Variants in ABCC8 observed in about 807,000 individuals in gnomAD.
ABCC8 encodes ATP binding cassette subfamily C member 8, also known as ATP-binding cassette sub-family C member 8.
ABCC8 carries 137 observed loss-of-function variants against 188.0 expected under a neutral mutation model. The observed-to-expected ratio is 0.73, with a 90% CI of 0.63 to 0.84. The LOEUF is 0.84. Among genes scored for constraint, ABCC8 ranks in the 40% least tolerant of loss-of-function variants. The pLI, the probability that ABCC8 is intolerant of heterozygous loss-of-function variation, is 0.00. For synonymous variants in ABCC8, 797 were observed against 846.5 expected (o/e 0.94, Z 1.01); for missense variants, 1,750 against 2,072.7 (o/e 0.84, Z 3.02).
chr11:17,411,408 G>C lies in ABCC8; in HGVS notation c.2557-755C>G, dbSNP rs534753595. ...TAGCAGGGTTGTTTAAATCTCATGAGAGATCGCGAATGCACCCATGCTTTG... is the reference window on the plus strand; with the variant it reads ...TAGCAGGGTTGTTTAAATCTCATGACAGATCGCGAATGCACCCATGCTTTG... On this transcript the variant is annotated intron_variant, in intron 21 of 38. Transcript: ENST00000389817. Among the ~76,000 whole-genome samples the C allele has an allele frequency of 1.3e-4, 20 of 152,348 alleles. No homozygotes were observed. The South Asian group carries it at 2.5e-3, about 19-fold the overall frequency.
At chr11:17,470,703 C>T (rs954965871) in intron 2 of ABCC8, among the ~76,000 whole-genome samples, 3 of 152,192 alleles carry the variant, frequency 2.0e-5, no homozygotes. Flanking sequence ...TCTTAGTCTC[C>T]CATTTTATGG....
At chr11:17,441,511 GT>G (rs1956314755) in intron 10 of ABCC8, among the ~76,000 whole-genome samples, 1 of 151,994 alleles carries the variant, frequency 6.6e-6, no homozygotes, top group Non-Finnish European at 1.5e-5. Context: ...TTTCTTTTTT[GT>G]TTTCTTCTTT....
In ABCC8 at chr11:17,397,665, C is replaced by G. The variant is rs574848177; in HGVS notation, c.3867+19G>C. On this transcript the variant is annotated intron_variant, in intron 31 of 38. Coordinates refer to ENST00000389817, the MANE Select transcript of ABCC8 (RefSeq NM_000352.6). Reference sequence around the variant, plus strand: ...GCTGGTGTCTGACCCCTCCTCTGCCCTAGCCCACTGCCGCTCACCATTAGG... The same window carrying G: ...GCTGGTGTCTGACCCCTCCTCTGCCGTAGCCCACTGCCGCTCACCATTAGG... The G allele has an allele frequency of 6.2e-7, 1 of 1,609,176 alleles. No homozygotes were observed. The highest frequency in any genetic ancestry group is 1.3e-5 in the African/African-American group (1 of 75,036).
At chr11:17,398,901 T>A in intron 29 of ABCC8, 1 of 247,046 alleles carries the variant, frequency 4.0e-6, no homozygotes, top group South Asian at 5.7e-5. Context: ...CTCCCTACAG[T>A]CCATGCTCCA....
At chr11:17,412,965 C>T (rs377189518) in intron 20 of ABCC8, 45 of 971,656 alleles carry the variant, frequency 4.6e-5, no homozygotes, top group African/African-American at 1.1e-4. Flanking sequence ...ATTGTGTAGG[C>T]GCTAGGGACC....
In ABCC8 at chr11:17,404,769, C is replaced by A; in HGVS notation, c.3400-100G>T. ...TTTTGCTCTCACTTTATTTTTTGAT[C>A]CTTTATTTTTTTGAGACTGAGTCTC... On this transcript the variant is annotated intron_variant, in intron 27 of 38. Coordinates refer to ENST00000389817, the MANE Select transcript of ABCC8 (RefSeq NM_000352.6). The surrounding 1 kb of genome is among the most constrained non-coding windows in gnomAD (Gnocchi z 4.7). 3 of 1,509,422 alleles carry A rather than the reference C, an allele frequency of 2.0e-6. No homozygotes were observed. Among genetic ancestry groups the A allele is most frequent in the Non-Finnish European group, 2.7e-6 (3 of 1,114,140 alleles). The allele number at this position is 1,509,422 out of a possible 1,614,324, so 93.5% of individuals were successfully genotyped here.
In ABCC8 at chr11:17,461,675, G is replaced by A. The variant is rs767822371; in HGVS notation, c.730C>T (p.Pro244Ser). ...NAFIKTAHKK[P>S]IDLRAIGKLP... is the part of the protein sequence containing the mutation. ...TTCCCGATGGCTCGCAAGTCGATGGGCTTCTTGTGGGCAGTCTTGATGAAG... is the reference window on the plus strand; with the variant it reads ...TTCCCGATGGCTCGCAAGTCGATGGACTTCTTGTGGGCAGTCTTGATGAAG... Residue 244 changes from proline (P) to serine (S), a missense_variant, in exon 5 of 39, where the codon CCC becomes TCC. Transcript: ENST00000389817. The A allele has an allele frequency of 6.2e-7, 1 of 1,614,250 alleles. No individual in the cohort carries two copies. The highest frequency in any genetic ancestry group is 1.1e-5 in the South Asian group (1 of 91,088).
At chr11:17,430,584 T>G in intron 12 of ABCC8, 4 of 585,728 alleles carry the variant, frequency 6.8e-6, no homozygotes, top group South Asian at 2.0e-5. Flanking sequence ...AAAGTGACAG[T>G]GAGTCCCCTC....
chr11:17,430,818 C>T lies in ABCC8; in HGVS notation c.1813G>A (p.Val605Met), dbSNP rs1195881123. The change falls in exon 12 of 39, where the codon GTG becomes ATG. Residue 605 changes from valine (V) to methionine (M), a missense_variant. Coordinates refer to ENST00000389817, the MANE Select transcript of ABCC8 (RefSeq NM_000352.6). ...SVVRSTVKALVSVQKLSEFLS... is the reference protein window; with the variant it reads ...SVVRSTVKALMSVQKLSEFLS... ...TCGCCCGGACCCTCCCCTCACCTCA[C>T]TAGAGCTTTGACGGTAGATCGGACC... is the stretch of plus-strand genomic sequence containing the variant. The T allele has an allele frequency of 1.2e-6, 2 of 1,614,208 alleles. No homozygotes were observed. Among genetic ancestry groups the T allele is most frequent in the Admixed American group, 3.3e-5 (2 of 60,030 alleles).
chr11:17,446,095 A>G (rs1444451821), intron 8 of ABCC8, among the ~76,000 whole-genome samples: 2 of 151,430 alleles, frequency 1.3e-5, no homozygotes, highest in African/African-American at 4.9e-5. Context: ...CCTCCGGAGT[A>G]GCTGAGACTA....
chr11:17,443,412 A>G, intron 8 of ABCC8, 100 bp from the exon 9 acceptor site: 1 of 1,596,248 alleles, frequency 6.3e-7, no homozygotes, highest in Non-Finnish European at 8.5e-7. Flanking sequence ...AGAGTGGGAC[A>G]AGCCTTGGTG....
At chr11:17,438,305 G>A (rs1198630112) in intron 10 of ABCC8, among the ~76,000 whole-genome samples, 3 of 152,146 alleles carry the variant, frequency 2.0e-5, no homozygotes, top group Non-Finnish European at 4.4e-5. Context: ...TGGAAGAAAC[G>A]AAAGACCCAG....
chr11:17,412,331 C>T (rs1954850819), intron 21 of ABCC8, among the ~76,000 whole-genome samples: 1 of 152,210 alleles, frequency 6.6e-6, no homozygotes, highest in Non-Finnish European at 1.5e-5. Context: ...TGGGAAGTGG[C>T]AGCACACATT....
intron 7 of ABCC8, among the ~76,000 whole-genome samples, chr11:17,452,621 T>C (rs1956856065): frequency 6.6e-6 from 1 of 152,196 alleles, no homozygotes; most frequent in Non-Finnish European, 1.5e-5. Flanking sequence ...TACCTCCTGA[T>C]GTGTGGCTCA....
At chr11:17,417,550 C>G (rs527659031) in intron 16 of ABCC8, among the ~76,000 whole-genome samples, 1 of 152,170 alleles carries the variant, frequency 6.6e-6, no homozygotes, top group Middle Eastern at 3.4e-3. Flanking sequence ...AATTGTGATG[C>G]CAATTTTGCC....
chr11:17,475,801 A>C (rs150386836), intron 1 of ABCC8, among the ~76,000 whole-genome samples: 42 of 152,350 alleles, frequency 2.8e-4, no homozygotes, highest in Non-Finnish European at 4.4e-4. Context: ...TTGTTTTCTT[A>C]AAGTGAATGA....
At chr11:17,474,476 G>A (rs1848648586) in intron 2 of ABCC8, among the ~76,000 whole-genome samples, 1 of 152,132 alleles carries the variant, frequency 6.6e-6, no homozygotes, top group South Asian at 2.1e-4. Flanking sequence ...CTGAGGATCT[G>A]AGACCACATC....
rs1412308245 is a variant in ABCC8 at position 17,448,682 on chromosome 11, G to A, written c.1177-11C>T. 12 of 1,614,164 alleles carry A rather than the reference G, an allele frequency of 7.4e-6. No individual in the cohort carries two copies. The highest frequency in any genetic ancestry group is 1.0e-5 in the Non-Finnish European group (12 of 1,180,034). On this transcript the variant is annotated splice_polypyrimidine_tract_variant and intron_variant, in intron 7 of 38. Transcript: ENST00000389817. ...ATTGTAAATCTTGGTCTAGAAATGA[G>A]AGCAGAGTGTTTCACATTCATCATC...
At chr11:17,432,774 TG>T (rs1230218897) in intron 10 of ABCC8, among the ~76,000 whole-genome samples, 2 of 152,024 alleles carry the variant, frequency 1.3e-5, no homozygotes, top group Non-Finnish European at 2.9e-5. Flanking sequence ...TGTGTGCGGG[TG>T]GGGTAGCTGG....
Sources: allele counts gnomAD v4.1 joint callset (sites outside exome capture counted in the v4.1 genomes callset), GRCh38; gene constraint gnomAD v4.1.1; non-coding constraint Gnocchi (gnomAD v3.1); transcripts MANE v1.5; gene names NCBI Gene and HGNC (gene_info 2026-07-23, HGNC 2026-07-21).